The following EHD1 variants were observed in gnomAD, a reference collection of about 807,000 sequenced individuals.
The protein encoded by EHD1 is EH domain containing 1, also known as EH domain-containing protein 1.
A neutral mutation model predicts 39.0 loss-of-function variants in EHD1; 19 were observed. That is an observed-to-expected ratio of 0.49 (90% CI 0.34 to 0.72). The LOEUF is 0.72. Ranked by LOEUF, EHD1 falls within the 30% of genes least tolerant of loss-of-function variation. EHD1 has a pLI of 0.01. For missense variants in EHD1, 542 were observed against 751.5 expected (o/e 0.72, Z 3.26); for synonymous variants, 323 against 331.2 (o/e 0.98, Z 0.27).
Position 64,851,919 on chromosome 11 carries a change from T to C in EHD1, c.*2414A>G, listed in dbSNP as rs916758601. The C allele has an allele frequency of 3.9e-5, 6 of 152,068 alleles. No homozygotes were observed. The highest frequency in any genetic ancestry group is 1.5e-4 in the African/African-American group (6 of 41,372). The allele number at this position is 152,068 out of a possible 1,614,324, so 9.4% of individuals were successfully genotyped here. On this transcript the variant is annotated 3_prime_UTR_variant, in exon 5 of 5. Transcript: ENST00000320631. Reference sequence around the variant, plus strand: ...CAGCGCAGCTCCACCTGGCACAGGGTGAATGCCCACAGGTGGCAGCTGAGT... The same window carrying C: ...CAGCGCAGCTCCACCTGGCACAGGGCGAATGCCCACAGGTGGCAGCTGAGT...
At chr11:64,873,996 G>A (rs1285824828) in intron 2 of EHD1, among the ~76,000 whole-genome samples, 5 of 150,334 alleles carry the variant, frequency 3.3e-5, no homozygotes, top group African/African-American at 1.2e-4. Context: ...TTTTTAGAAA[G>A]GCTGAGACTG....
At chr11:64,872,708 G>GAGGGCCAGTGATTT in intron 2 of EHD1, among the ~76,000 whole-genome samples, 1 of 152,194 alleles carries the variant, frequency 6.6e-6, no homozygotes, top group South Asian at 2.1e-4. Flanking sequence ...GAAACCAGAT[G>GAGGGCCAGTGATTT]AGGGCCAGTG....
intron 1 of EHD1, 97 bp from the exon 2 acceptor site, chr11:64,874,615 T>G: frequency 4.1e-6 from 4 of 966,748 alleles, no homozygotes; most frequent in Non-Finnish European, 5.8e-6. Context: ...GCTCCATCTC[T>G]GGCTTCCTCT....
chr11:64,865,569 G>A (rs1230353086), intron 2 of EHD1, among the ~76,000 whole-genome samples: 9 of 152,244 alleles, frequency 5.9e-5, no homozygotes, highest in Admixed American at 3.9e-4. Context: ...TGGAGAGAAA[G>A]GCCCACCTGC....
At chr11:64,878,957 A>G (rs1943924400), upstream of EHD1, 1 of 1,002,634 alleles carries the variant, frequency 1.0e-6, no homozygotes. Context: ...GCCCCCCCAC[A>G]CCCCCGCGGG....
chr11:64,865,862 TGC>T (rs1234341326), intron 2 of EHD1, among the ~76,000 whole-genome samples: 1 of 152,164 alleles, frequency 6.6e-6, no homozygotes, highest in Non-Finnish European at 1.5e-5. Flanking sequence ...AAATAACAGA[TGC>T]TGGTGAGGTT....
In EHD1 at chr11:64,878,514, C is replaced by A; in HGVS notation, c.-50G>T. The A allele has an allele frequency of 6.5e-7, 1 of 1,540,582 alleles. No homozygotes were observed. Among genetic ancestry groups the A allele is most frequent in the Non-Finnish European group, 8.7e-7 (1 of 1,147,168 alleles). ...TGCGGGGCAGAGCGGCGGCTGAGAG[C>A]GGGGCGAGGGTGCGGAGCCGAGGCG... On this transcript the variant is annotated 5_prime_UTR_variant, in exon 1 of 5. Coordinates refer to ENST00000320631, the MANE Select transcript of EHD1 (RefSeq NM_006795.4).
rs1943697967 is a variant in EHD1, at chr11:64,860,131, G to A, written c.708C>T (p.Leu236=). Residue 236 remains leucine, a synonymous_variant, in exon 3 of 5, where the codon CTC becomes CTT. Transcript: ENST00000320631. ...TGATGATCTTGCCCAGGGACCACATGAGGGCCCCGTACACCCGCATCAGCT... is the reference window on the plus strand; with the variant it reads ...TGATGATCTTGCCCAGGGACCACATAAGGGCCCCGTACACCCGCATCAGCT... The part of the protein sequence containing the change: ...TQQLMRVYGA[L]MWSLGKIINT... 4 of 1,614,168 alleles carry A rather than the reference G, an allele frequency of 2.5e-6. No individual in the cohort carries two copies. The highest frequency in any genetic ancestry group is 2.5e-6 in the Non-Finnish European group (3 of 1,180,030).
intron 2 of EHD1, among the ~76,000 whole-genome samples, chr11:64,872,439 C>T (rs911696928): frequency 7.2e-5 from 11 of 152,148 alleles, no homozygotes; most frequent in African/African-American, 2.4e-4. Flanking sequence ...CCAGCCTGGG[C>T]GATAGAGCGA....
rs1404928920 is a variant in EHD1, at chr11:64,852,167, ATCAG to A, written c.*2162_*2165del. The A allele has an allele frequency of 1.3e-5, 2 of 152,252 alleles. No homozygotes were observed. The highest frequency in any genetic ancestry group is 1.3e-4 in the Admixed American group (2 of 15,282). 9.4% of individuals were successfully genotyped at this position (152,252 alleles called of 1,614,324 possible). Reference sequence around the variant, plus strand: ...TGCACCCTTTTATGAAGGGTCACTAATCAGTCACCCTTCCCTCTGCTGGTATAAA... The same window carrying A: ...TGCACCCTTTTATGAAGGGTCACTAATCACCCTTCCCTCTGCTGGTATAAA... On this transcript the variant is annotated 3_prime_UTR_variant, in exon 5 of 5. Transcript: ENST00000320631.
At position 64,851,938 on chromosome 11, in the gene EHD1, G is replaced by C. The variant is rs898566808; in HGVS notation, c.*2395C>G. Reference sequence around the variant, plus strand: ...ACAGGGTGAATGCCCACAGGTGGCAGCTGAGTGACGCAGGGAGGGCCGGCC... The same window carrying C: ...ACAGGGTGAATGCCCACAGGTGGCACCTGAGTGACGCAGGGAGGGCCGGCC... On this transcript the variant is annotated 3_prime_UTR_variant, in exon 5 of 5. Transcript: ENST00000320631. The C allele has an allele frequency of 6.6e-6, 1 of 152,206 alleles. No homozygotes were observed. Among genetic ancestry groups the C allele is most frequent in the African/African-American group, 2.4e-5 (1 of 41,444 alleles). 9.4% of individuals were successfully genotyped at this position (152,206 alleles called of 1,614,324 possible).
At position 64,860,320 on chromosome 11, in the gene EHD1, G is replaced by A. The variant is rs144914499; in HGVS notation, c.519C>T (p.Ala173=). ...QRISRGYDFA[A]VLEWFAERVD... is the part of the protein sequence containing the mutation. Reference sequence around the variant, plus strand: ...CACGCTCCGCGAACCACTCCAGGACGGCTGCAAAGTCATAGCCTGGGGGGA... The same window carrying A: ...CACGCTCCGCGAACCACTCCAGGACAGCTGCAAAGTCATAGCCTGGGGGGA... Residue 173 remains alanine (A), a synonymous_variant, in exon 3 of 5, where the codon GCC becomes GCT. Coordinates refer to ENST00000320631, the MANE Select transcript of EHD1 (RefSeq NM_006795.4). 7 of 1,612,008 alleles carry A rather than the reference G, an allele frequency of 4.3e-6. No homozygotes were observed. Among genetic ancestry groups the A allele is most frequent in the South Asian group, 3.3e-5 (3 of 91,044 alleles).
intron 2 of EHD1, among the ~76,000 whole-genome samples, chr11:64,865,710 A>G (rs1054645491): frequency 6.6e-6 from 1 of 152,210 alleles, no homozygotes; most frequent in Non-Finnish European, 1.5e-5. Flanking sequence ...TAAGTCTGTG[A>G]CCTTTTCCAA....
chr11:64,863,496 C>G (rs1202986262), intron 2 of EHD1, among the ~76,000 whole-genome samples: 1 of 152,238 alleles, frequency 6.6e-6, no homozygotes, highest in Non-Finnish European at 1.5e-5. Flanking sequence ...CTGCTCCCAC[C>G]CTGCAAAGCC....
Position 64,855,453 on chromosome 11 carries a change from CT to C in EHD1, c.948del (p.Glu317ArgfsTer16). On this transcript the variant is annotated frameshift_variant, in exon 4 of 5. Coordinates refer to ENST00000320631, the MANE Select transcript of EHD1 (RefSeq NM_006795.4). LOFTEE classifies it high-confidence loss of function. ...TCTTTACCAAAGACATTGGGCATCT[CT>C]TTCTTGAGGGAGCTGATGATGTAGG... The part of the protein sequence containing the change: ...VHAYIISSLK[K>X]EMPNVFGKES... 1.2e-6 allele frequency: 2 copies of C among 1,614,050 alleles called. No individual in the cohort carries two copies. Among genetic ancestry groups the C allele is most frequent in the South Asian group, 2.2e-5 (2 of 91,082 alleles).
intron 2 of EHD1, among the ~76,000 whole-genome samples, chr11:64,862,997 T>C (rs1244534408): frequency 6.6e-6 from 1 of 152,260 alleles, no homozygotes; most frequent in Admixed American, 6.5e-5. Flanking sequence ...CCTAGAATCC[T>C]TGGGGAGCTT....
intron 4 of EHD1, 62 bp downstream of exon 4, chr11:64,855,260 C>A: frequency 1.3e-6 from 2 of 1,579,458 alleles, no homozygotes; most frequent in South Asian, 1.1e-5. Context: ...AAATCCAGTG[C>A]CCTGGGCCTT....
rs1943604731 is a variant in EHD1 at position 64,853,383 on chromosome 11, G to C, written c.*950C>G. 1 of 152,308 alleles carries C rather than the reference G, an allele frequency of 6.6e-6. No individual in the cohort carries two copies. Among genetic ancestry groups the C allele is most frequent in the Admixed American group, 6.5e-5 (1 of 15,274 alleles). The allele number at this position is 152,308 out of a possible 1,614,324, so 9.4% of individuals were successfully genotyped here. On this transcript the variant is annotated 3_prime_UTR_variant, in exon 5 of 5. Coordinates refer to ENST00000320631, the MANE Select transcript of EHD1 (RefSeq NM_006795.4). The stretch of plus-strand genomic sequence containing the variant: ...CCCACCACCACCTCCCACTGTGGAG[G>C]GTGCGTCCCAAAGCTCCAGTTAAGT...
Position 64,854,782 on chromosome 11 carries a change from G to T in EHD1, c.1156C>A (p.Leu386Met). 1 of 1,606,448 alleles carries T rather than the reference G, an allele frequency of 6.2e-7. No homozygotes were observed. The highest frequency in any genetic ancestry group is 1.7e-5 in the Admixed American group (1 of 60,018). ...ATCAGCCGCGCGATGTCGTTGGCCA[G>T]CATGTCATCCACCGTGTCCAGCAGC... Reference protein sequence around the residue: ...PKLLDTVDDMLANDIARLMVM... With the variant: ...PKLLDTVDDMMANDIARLMVM... The change falls in exon 5 of 5, where the codon CTG becomes ATG. Residue 386 changes from leucine (L) to methionine (M), a missense_variant. Coordinates refer to ENST00000320631, the MANE Select transcript of EHD1 (RefSeq NM_006795.4).
Sources: gnomAD v4.1 joint callset for allele counts (sites outside exome capture counted in the v4.1 genomes callset) on GRCh38, gnomAD v4.1.1 for gene constraint, MANE v1.5 for transcripts, NCBI Gene and HGNC (gene_info 2026-07-23, HGNC 2026-07-21) for gene names.